PTPRD: variants seen among roughly 807,000 people sequenced by gnomAD.
PTPRD encodes protein tyrosine phosphatase receptor type D.
In PTPRD, 34 loss-of-function variants were observed where a neutral mutation model predicts 214.5. That is an observed-to-expected ratio of 0.16 (90% CI 0.12 to 0.21). PTPRD has a LOEUF of 0.21. Among genes scored for constraint, PTPRD ranks in the 10% least tolerant of loss-of-function variants. The probability of loss-of-function intolerance (pLI) is 1.00; values close to 1 mark genes in which losing one functional copy is unlikely to be tolerated. For missense variants in PTPRD, 2,545 were observed against 2,398.7 expected (o/e 1.06, Z -1.27); for synonymous variants, 1,128 against 845.7 (o/e 1.33, Z -5.79).
At chr9:9,603,358 G>A (rs1439929564) in intron 7 of PTPRD, among the ~76,000 whole-genome samples, 1 of 152,118 alleles carries the variant, frequency 6.6e-6, no homozygotes, top group Non-Finnish European at 1.5e-5. Flanking sequence ...AGATGTTTAA[G>A]TACCAGCTTT....
chr9:9,855,233 C>T (rs1038622242), intron 5 of PTPRD, among the ~76,000 whole-genome samples: 2 of 152,046 alleles, frequency 1.3e-5, no homozygotes, highest in African/African-American at 4.8e-5. Flanking sequence ...TGAAACATTA[C>T]AGGAAGGAAA....
chr9:9,263,239 C>G (rs1244164738), intron 9 of PTPRD, among the ~76,000 whole-genome samples: 2 of 151,520 alleles, frequency 1.3e-5, no homozygotes, highest in Non-Finnish European at 1.5e-5. Context: ...TACTTTAATT[C>G]TGTTTCACAA....
intron 11 of PTPRD, among the ~76,000 whole-genome samples, chr9:8,808,778 T>G (rs140300243): frequency 1.3e-5 from 2 of 152,190 alleles, no homozygotes; most frequent in Non-Finnish European, 2.9e-5. Context: ...ATGTTGATAA[T>G]AGTTCTTCCT....
At chr9:10,528,896 T>C (rs930703973) in intron 2 of PTPRD, among the ~76,000 whole-genome samples, 1 of 152,186 alleles carries the variant, frequency 6.6e-6, no homozygotes, top group African/African-American at 2.4e-5. Flanking sequence ...AAAACAGATT[T>C]ATATCTATAT....
rs114072250 is a variant in PTPRD at position 10,345,980 on chromosome 9, T to C, written c.-599-4963A>G. Among the ~76,000 whole-genome samples the C allele has an allele frequency of 4.2e-3, 635 of 152,348 alleles. 8 individuals are homozygous for C. The highest frequency in any genetic ancestry group is 0.014 in the African/African-American group (595 of 41,592). ...CTAACTGATGTGAGATGGTATTTCATTGCGGTTTTGATTTGCAGTCCTCTA... is the reference window on the plus strand; with the variant it reads ...CTAACTGATGTGAGATGGTATTTCACTGCGGTTTTGATTTGCAGTCCTCTA... On this transcript the variant is annotated intron_variant, in intron 2 of 45. Coordinates refer to ENST00000381196, the MANE Select transcript of PTPRD (RefSeq NM_002839.4).
intron 11 of PTPRD, among the ~76,000 whole-genome samples, chr9:8,849,911 C>T (rs1212569973): frequency 6.6e-6 from 1 of 151,986 alleles, no homozygotes; most frequent in African/African-American, 2.4e-5. Context: ...TGAGAAAACA[C>T]AAAAACCACC....
At chr9:10,088,999 A>C (rs1456173684) in intron 3 of PTPRD, among the ~76,000 whole-genome samples, 1 of 151,508 alleles carries the variant, frequency 6.6e-6, no homozygotes, top group African/African-American at 2.4e-5. Context: ...TGAGGCTAGG[A>C]ATCAGAGACA....
In PTPRD at chr9:10,027,030, C is replaced by G. The variant is rs531282360; in HGVS notation, c.-472+6688G>C. ...TTGTCTGCAATAATAAAGCATTTCTCTAGAGACTTGGCCTTGGTAAAATAA... is the reference window on the plus strand; with the variant it reads ...TTGTCTGCAATAATAAAGCATTTCTGTAGAGACTTGGCCTTGGTAAAATAA... On this transcript the variant is annotated intron_variant, in intron 4 of 45. Transcript: ENST00000381196. Among the ~76,000 whole-genome samples the G allele has an allele frequency of 1.3e-3, 195 of 152,224 alleles. 3 individuals carry two copies. The highest frequency in any genetic ancestry group is 3.4e-3 in the Middle Eastern group (1 of 294).
At chr9:10,535,939 A>T (rs2057680788) in intron 2 of PTPRD, among the ~76,000 whole-genome samples, 1 of 152,256 alleles carries the variant, frequency 6.6e-6, no homozygotes, top group East Asian at 1.9e-4. Context: ...TTAATACTCG[A>T]CAAAACAGTT....
At chr9:9,523,117 C>A (rs951106199) in intron 8 of PTPRD, among the ~76,000 whole-genome samples, 7 of 151,988 alleles carry the variant, frequency 4.6e-5, no homozygotes, top group South Asian at 2.1e-4. Context: ...TAGGCAAAGT[C>A]CAGAAACATA....
intron 5 of PTPRD, among the ~76,000 whole-genome samples, chr9:9,769,454 C>T (rs558452629): frequency 2.6e-5 from 4 of 151,030 alleles, no homozygotes; most frequent in African/African-American, 9.7e-5. Context: ...GCCTCCCGAG[C>T]AGCTGGGACT....
chr9:8,854,113 A>T (rs938444855), intron 11 of PTPRD, among the ~76,000 whole-genome samples: 4 of 151,336 alleles, frequency 2.6e-5, no homozygotes, highest in African/African-American at 7.2e-5. Flanking sequence ...TGAGTACACT[A>T]CATAAAACGT....
At chr9:8,353,910 GTA>G (rs1457362327) in intron 39 of PTPRD, among the ~76,000 whole-genome samples, 2 of 100,748 alleles carry the variant, frequency 2.0e-5, no homozygotes, top group Non-Finnish European at 4.4e-5. Context: ...GTATATATGT[GTA>G]TATATGTATA....
At chr9:10,415,500 G>A (rs958616356) in intron 2 of PTPRD, among the ~76,000 whole-genome samples, 1 of 151,864 alleles carries the variant, frequency 6.6e-6, no homozygotes, top group Admixed American at 6.6e-5. Flanking sequence ...AGTCAGGTAA[G>A]AGAAAGATTT....
At chr9:9,067,313 A>C (rs10977469) in intron 10 of PTPRD, among the ~76,000 whole-genome samples, 26 of 152,074 alleles carry the variant, frequency 1.7e-4, no homozygotes, top group African/African-American at 5.8e-4. Context: ...TGTTTATTAC[A>C]GAAGTTAATA....
At chr9:9,600,631 G>C (rs1256956988) in intron 7 of PTPRD, among the ~76,000 whole-genome samples, 1 of 152,078 alleles carries the variant, frequency 6.6e-6, no homozygotes, top group Non-Finnish European at 1.5e-5. Context: ...CCCCTACATG[G>C]AGCTGGCATC....
intron 2 of PTPRD, among the ~76,000 whole-genome samples, chr9:10,383,491 G>A (rs569949351): frequency 6.6e-6 from 1 of 151,890 alleles, no homozygotes; most frequent in Non-Finnish European, 1.5e-5. Flanking sequence ...TAAGGCTTAT[G>A]TTTTACTTCA....
intron 3 of PTPRD, among the ~76,000 whole-genome samples, chr9:10,297,755 G>T (rs1012597630): frequency 2.6e-5 from 4 of 151,996 alleles, no homozygotes; most frequent in Non-Finnish European, 5.9e-5. Flanking sequence ...TTCAACTCTA[G>T]CTCTTTAATT....
At chr9:9,903,731 G>T (rs1302242628) in intron 5 of PTPRD, among the ~76,000 whole-genome samples, 3 of 151,880 alleles carry the variant, frequency 2.0e-5, no homozygotes, top group Non-Finnish European at 4.4e-5. Context: ...CTAGGATCAG[G>T]GATGCCAGGA....
Sources: allele counts gnomAD v4.1 joint callset (sites outside exome capture counted in the v4.1 genomes callset), GRCh38; gene constraint gnomAD v4.1.1; transcripts MANE v1.5; gene names NCBI Gene and HGNC (gene_info 2026-07-23, HGNC 2026-07-21).